The following RALGPS1 variants were observed in gnomAD, a reference collection of about 807,000 sequenced individuals.
RALGPS1 encodes ras-specific guanine nucleotide-releasing factor RalGPS1.
In RALGPS1, 19 loss-of-function variants were observed where a neutral mutation model predicts 78.8. The observed-to-expected ratio is 0.24, with a 90% confidence interval of 0.17 to 0.35. The LOEUF (loss-of-function observed/expected upper bound fraction) is 0.35. Among genes scored for constraint, RALGPS1 ranks in the 10% least tolerant of loss-of-function variants. The pLI, the probability that RALGPS1 is intolerant of heterozygous loss-of-function variation, is 1.00. For missense variants in RALGPS1, 454 were observed against 688.3 expected, an observed-to-expected ratio of 0.66 and a Z score of 3.81; for synonymous variants, 228 against 256.3, an observed-to-expected ratio of 0.89 and a Z score of 1.06.
chr9:126,938,920 C>T (rs989725915), intron 1 of RALGPS1, among the ~76,000 whole-genome samples: 5 of 152,160 alleles, frequency 3.3e-5, no homozygotes, highest in African/African-American at 7.2e-5. Context: ...TTTAGGGAGA[C>T]AAACTAGCCC....
chr9:126,931,693 A>T (rs2035803573), intron 1 of RALGPS1, among the ~76,000 whole-genome samples: 1 of 152,208 alleles, frequency 6.6e-6, no homozygotes. Flanking sequence ...CTGGAATTAG[A>T]TAGTGGCAGT....
intron 8 of RALGPS1, chr9:127,108,652 A>G (rs768270425): frequency 6.2e-7 from 1 of 1,613,666 alleles, no homozygotes; most frequent in Non-Finnish European, 8.5e-7. Flanking sequence ...AGTGCCCTCA[A>G]AACCGTCCTC....
intron 8 of RALGPS1, chr9:127,087,242 T>A (rs1380158396): frequency 2.0e-5 from 3 of 152,408 alleles, no homozygotes; most frequent in Admixed American, 2.0e-4. Context: ...TTCTGGTGTG[T>A]GTCCTGGTGC....
At chr9:126,987,738 A>C (rs2041932240) in intron 4 of RALGPS1, among the ~76,000 whole-genome samples, 1 of 151,814 alleles carries the variant, frequency 6.6e-6, no homozygotes, top group Non-Finnish European at 1.5e-5. Flanking sequence ...ATTTCCCAGT[A>C]GTCAGCTCTG....
Position 127,196,624 on chromosome 9 carries a change from C to G in RALGPS1, c.1188C>G (p.Leu396=). 2.5e-6 allele frequency: 4 copies of G among 1,598,478 alleles called. No homozygotes were observed. Among genetic ancestry groups the G allele is most frequent in the Non-Finnish European group, 3.4e-6 (4 of 1,171,404 alleles). Residue 396 remains leucine, a synonymous_variant, in exon 13 of 19, where the codon CTC becomes CTG. Coordinates refer to ENST00000259351, the MANE Select transcript of RALGPS1 (RefSeq NM_014636.3). ...CCTCCTCTGCTGTCACCAATGGACTCTCCCTAGGTAAGCGTCTCCGGCCTG... is the reference window on the plus strand; with the variant it reads ...CCTCCTCTGCTGTCACCAATGGACTGTCCCTAGGTAAGCGTCTCCGGCCTG... ...LTSSSAVTNG[L]SLGSSESSEF...
chr9:126,948,647 GC>G (rs1285848597), intron 1 of RALGPS1, among the ~76,000 whole-genome samples: 1 of 152,082 alleles, frequency 6.6e-6, no homozygotes, highest in East Asian at 1.9e-4. Flanking sequence ...TGCCTCCTCA[GC>G]TTCAGCATAC....
chr9:126,922,691 C>G (rs1043445389), intron 1 of RALGPS1, among the ~76,000 whole-genome samples: 2 of 152,178 alleles, frequency 1.3e-5, no homozygotes, highest in Non-Finnish European at 2.9e-5. Context: ...CACTGTGTGC[C>G]CTGCCTTAGC....
At chr9:127,089,705 A>C (rs900389029) in intron 8 of RALGPS1, among the ~76,000 whole-genome samples, 1 of 152,262 alleles carries the variant, frequency 6.6e-6, no homozygotes, top group Non-Finnish European at 1.5e-5. Context: ...TACTTCACAA[A>C]GGAAAGATAT....
intron 1 of RALGPS1, among the ~76,000 whole-genome samples, chr9:126,948,816 C>CTT (rs35563544): frequency 3.4e-5 from 5 of 145,224 alleles, no homozygotes; most frequent in Admixed American, 6.9e-5. Flanking sequence ...CTCCCAAGTT[C>CTT]TTTTTTTTTT....
chr9:127,017,258 G>T (rs1443663742), intron 4 of RALGPS1, among the ~76,000 whole-genome samples: 1 of 152,130 alleles, frequency 6.6e-6, no homozygotes, highest in East Asian at 1.9e-4. Flanking sequence ...TAGGTGATAC[G>T]GCATAGCCTC....
intron 4 of RALGPS1, among the ~76,000 whole-genome samples, chr9:127,001,984 A>G (rs1300835065): frequency 6.6e-6 from 1 of 152,206 alleles, no homozygotes; most frequent in African/African-American, 2.4e-5. Context: ...TTTTAAAGAA[A>G]TTTTTTAAAA....
chr9:126,989,769 A>G, intron 4 of RALGPS1: 1 of 1,368,762 alleles, frequency 7.3e-7, no homozygotes, highest in Non-Finnish European at 9.7e-7. Flanking sequence ...TGCAGATAAA[A>G]TACATATTCC....
At chr9:127,121,994 G>A (rs977830714) in intron 8 of RALGPS1, among the ~76,000 whole-genome samples, 6 of 152,108 alleles carry the variant, frequency 3.9e-5, no homozygotes, top group African/African-American at 1.4e-4. Context: ...CTACACACAC[G>A]CACACTCCCA....
At position 127,195,242 on chromosome 9, in the gene RALGPS1, G is replaced by A. The variant is rs188438581; in HGVS notation, c.1037+25G>A. ...AGTGGGTGACTGAGCAAGCCCTCCC[G>A]CCGGGCTTCAGACCGTCCTGCACAT... On this transcript the variant is annotated intron_variant, in intron 12 of 18. Transcript: ENST00000259351. 4.5e-4 allele frequency: 727 copies of A among 1,604,100 alleles called. 6 individuals are homozygous for A. The African/African-American group carries it at 8.6e-3, about 19-fold the overall frequency.
intron 8 of RALGPS1, among the ~76,000 whole-genome samples, chr9:127,107,467 A>G (rs1043241591): frequency 5.3e-5 from 8 of 152,214 alleles, no homozygotes; most frequent in African/African-American, 1.7e-4. Context: ...TGTGTTTATC[A>G]TATTCTTAAC....
At chr9:127,086,724 T>A (rs993888435) in intron 8 of RALGPS1, among the ~76,000 whole-genome samples, 5 of 152,230 alleles carry the variant, frequency 3.3e-5, no homozygotes, top group Admixed American at 6.5e-5. Context: ...AAAAAAGTTG[T>A]ATCTTTTAGT....
In RALGPS1 at chr9:127,221,030, A is replaced by C. The variant is rs2062760011; in HGVS notation, c.*2261A>C. ...GAACATTCTTAGCTCGGACTCTTGA[A>C]GAATCTCTTTAGATTTTGTTGGCAA... On this transcript the variant is annotated 3_prime_UTR_variant, in exon 19 of 19. Coordinates refer to ENST00000259351, the MANE Select transcript of RALGPS1 (RefSeq NM_014636.3). The C allele has an allele frequency of 6.6e-6, 1 of 152,498 alleles. No individual in the cohort carries two copies. The highest frequency in any genetic ancestry group is 1.5e-5 in the Non-Finnish European group (1 of 68,050). The allele number at this position is 152,498 out of a possible 1,614,324, so 9.4% of individuals were successfully genotyped here.
chr9:127,129,199 A>G (rs997829262), intron 8 of RALGPS1, among the ~76,000 whole-genome samples: 1 of 152,228 alleles, frequency 6.6e-6, no homozygotes, highest in African/African-American at 2.4e-5. Context: ...TAGCTGGTGC[A>G]TGGCCCCATC....
intron 4 of RALGPS1, 114 bp downstream of exon 4, chr9:126,977,859 T>C: frequency 2.8e-6 from 2 of 707,838 alleles, no homozygotes; most frequent in Non-Finnish European, 4.8e-6. Flanking sequence ...TAAATGCATG[T>C]TATCCATTTA....
Sources: gnomAD v4.1 joint callset for allele counts (sites outside exome capture counted in the v4.1 genomes callset) on GRCh38, gnomAD v4.1.1 for gene constraint, MANE v1.5 for transcripts, NCBI Gene and HGNC (gene_info 2026-07-23, HGNC 2026-07-21) for gene names.